The following GLI2 variants were observed in gnomAD, a reference collection of about 807,000 sequenced individuals.
GLI2 encodes transcription activator GLI2.
GLI2 carries 22 observed loss-of-function variants against 78.9 expected under a neutral mutation model. The observed-to-expected ratio is 0.28, with a 90% CI of 0.20 to 0.40. The LOEUF (loss-of-function observed/expected upper bound fraction) is 0.40, where lower values mean the gene tolerates loss of function less well. Among genes scored for constraint, GLI2 ranks in the 10% least tolerant of loss-of-function variants. The pLI is 1.00. For synonymous variants in GLI2, 974 were observed against 963.7 expected, an observed-to-expected ratio of 1.01 and a Z score of -0.20; for missense variants, 2,097 against 2,213.2, an observed-to-expected ratio of 0.95 and a Z score of 1.05.
chr2:120,941,338 GGTAA>G (rs1465956183), intron 3 of GLI2, among the ~76,000 whole-genome samples: 6 of 152,212 alleles, frequency 3.9e-5, no homozygotes, highest in Non-Finnish European at 7.3e-5. Flanking sequence ...TGGGAAACAT[GGTAA>G]GCAAGCTTGC....
intron 2 of GLI2, among the ~76,000 whole-genome samples, chr2:120,825,242 C>G (rs1189504546): frequency 1.3e-5 from 2 of 152,234 alleles, no homozygotes; most frequent in African/African-American, 4.8e-5. Flanking sequence ...CCATTTATCA[C>G]TCAGGTTTTA....
At chr2:120,980,063 G>A (rs1016422873) in intron 10 of GLI2, among the ~76,000 whole-genome samples, 12 of 152,158 alleles carry the variant, frequency 7.9e-5, no homozygotes, top group Non-Finnish European at 1.8e-4. Flanking sequence ...TATTTGCATT[G>A]TATTCACTTT....
chr2:120,810,205 G>C, intron 2 of GLI2, among the ~76,000 whole-genome samples: 1 of 152,246 alleles, frequency 6.6e-6, no homozygotes, highest in Non-Finnish European at 1.5e-5. Context: ...GGTCCAAGGA[G>C]GGGGATGGTC....
chr2:120,769,705 A>G (rs1683469841), intron 1 of GLI2, among the ~76,000 whole-genome samples: 1 of 152,160 alleles, frequency 6.6e-6, no homozygotes, highest in Admixed American at 6.5e-5. Context: ...TTGTGAATGT[A>G]GGGGTGTGTC....
intron 1 of GLI2, among the ~76,000 whole-genome samples, chr2:120,775,503 C>G (rs959754215): frequency 6.6e-6 from 1 of 152,130 alleles, no homozygotes; most frequent in African/African-American, 2.4e-5. Context: ...CCCTTCCTGG[C>G]GTTTGAAAGA....
At chr2:120,971,153 C>T (rs1464005538) in intron 7 of GLI2, among the ~76,000 whole-genome samples, 1 of 152,206 alleles carries the variant, frequency 6.6e-6, no homozygotes, top group African/African-American at 2.4e-5. Context: ...TCCCAACTTG[C>T]CTGAAAGCAG....
At chr2:120,827,878 G>T (rs780547623) in intron 2 of GLI2, among the ~76,000 whole-genome samples, 8 of 152,218 alleles carry the variant, frequency 5.3e-5, no homozygotes, top group Non-Finnish European at 1.2e-4. Flanking sequence ...GGGCCGGAGG[G>T]AGGAAGGAGT....
chr2:120,774,469 C>T (rs1333959173), intron 1 of GLI2, among the ~76,000 whole-genome samples: 1 of 152,210 alleles, frequency 6.6e-6, no homozygotes, highest in Non-Finnish European at 1.5e-5. Flanking sequence ...TACCCATTAG[C>T]AGTCGCTCCC....
At chr2:120,907,889 C>T (rs1468918826) in intron 2 of GLI2, among the ~76,000 whole-genome samples, 5 of 152,224 alleles carry the variant, frequency 3.3e-5, no homozygotes, top group African/African-American at 1.2e-4. Flanking sequence ...TGAGTGCTTC[C>T]CACCGGACTG....
At chr2:120,740,169 A>T (rs1423383222) in intron 1 of GLI2, among the ~76,000 whole-genome samples, 1 of 152,242 alleles carries the variant, frequency 6.6e-6, no homozygotes, top group Non-Finnish European at 1.5e-5. Context: ...TCCTTAACCC[A>T]CAAAACTGTA....
chr2:120,934,357 A>G (rs1680092127), intron 3 of GLI2, among the ~76,000 whole-genome samples: 2 of 152,228 alleles, frequency 1.3e-5, no homozygotes, highest in Non-Finnish European at 2.9e-5. Context: ...GAACAGCTGC[A>G]GTATCTCAGC....
chr2:120,780,209 T>C (rs1683798431), intron 1 of GLI2, among the ~76,000 whole-genome samples: 1 of 152,168 alleles, frequency 6.6e-6, no homozygotes, highest in Admixed American at 6.5e-5. Context: ...CACACACTCA[T>C]AACGCCCCCT....
At position 120,988,282 on chromosome 2, in the gene GLI2, G is replaced by A; in HGVS notation, c.2317G>A (p.Glu773Lys). 6.4e-7 allele frequency: 1 copy of A among 1,568,048 alleles called. No individual in the cohort carries two copies. Among genetic ancestry groups the A allele is most frequent in the Non-Finnish European group, 8.6e-7 (1 of 1,162,348 alleles). ...AGLLPNPRLS[E>K]LSASEVTMLS... ...GCTGCTGCCGAACCCGCGGCTGTCG[G>A]AGCTGTCCGCGAGCGAGGTGACCAT... Residue 773 changes from glutamate (E) to lysine (K), a missense_variant, in exon 14 of 14, where the codon GAG becomes AAG. By Grantham distance (56) the Glu-to-Lys change is moderately conservative. Transcript: ENST00000361492.
chr2:120,812,394 C>T (rs371541941), intron 2 of GLI2, among the ~76,000 whole-genome samples: 1 of 152,210 alleles, frequency 6.6e-6, no homozygotes, highest in Non-Finnish European at 1.5e-5. Flanking sequence ...TGGCGGTTCC[C>T]GTGCATCCTT....
chr2:120,756,824 A>C (rs886645512), intron 1 of GLI2, among the ~76,000 whole-genome samples: 1 of 151,902 alleles, frequency 6.6e-6, no homozygotes, highest in Non-Finnish European at 1.5e-5. Context: ...TTTAGCTTTT[A>C]TGTCTTTAAA....
intron 1 of GLI2, among the ~76,000 whole-genome samples, chr2:120,788,278 C>T (rs1240464432): frequency 6.6e-6 from 1 of 152,210 alleles, no homozygotes; most frequent in East Asian, 1.9e-4. Flanking sequence ...AGTTCAGTCA[C>T]AGCACAAAGA....
At chr2:120,745,779 C>G (rs149054638) in intron 1 of GLI2, among the ~76,000 whole-genome samples, 59 of 152,334 alleles carry the variant, frequency 3.9e-4, no homozygotes, top group African/African-American at 1.3e-3. Context: ...GGGTCCTCAT[C>G]CACCCTGCAG....
intron 3 of GLI2, among the ~76,000 whole-genome samples, chr2:120,950,469 G>A (rs1242746548): frequency 2.0e-5 from 3 of 152,146 alleles, no homozygotes; most frequent in Non-Finnish European, 2.9e-5. Context: ...AGGTCACATC[G>A]AATGGATTCC....
chr2:120,905,419 G>A (rs559869637), intron 2 of GLI2, among the ~76,000 whole-genome samples: 1 of 152,324 alleles, frequency 6.6e-6, no homozygotes, highest in African/African-American at 2.4e-5. Context: ...CAGGGAGTGA[G>A]GTTATGGGTA....
Sources: gnomAD v4.1 joint callset for allele counts (sites outside exome capture counted in the v4.1 genomes callset) on GRCh38, gnomAD v4.1.1 for gene constraint, MANE v1.5 for transcripts, NCBI Gene and HGNC (gene_info 2026-07-23, HGNC 2026-07-21) for gene names.